UNK: variants seen among roughly 807,000 people sequenced by gnomAD.
UNK encodes the protein unk zinc finger.
In UNK, 32 loss-of-function variants were observed where a neutral mutation model predicts 97.6. That is an observed-to-expected ratio of 0.33 (90% CI 0.25 to 0.44). The LOEUF (loss-of-function observed/expected upper bound fraction) is 0.44, where lower values mean the gene tolerates loss of function less well. Among genes scored for constraint, UNK ranks in the 20% least tolerant of loss-of-function variants. The pLI is 1.00. For synonymous variants in UNK, 441 were observed against 461.2 expected (o/e 0.96, Z 0.56); for missense variants, 771 against 1,098.4 (o/e 0.70, Z 4.21).
rs1380024161 is a variant in UNK, at chr17:75,818,587, CT to C, written c.1372-54del. The C allele has an allele frequency of 4.6e-6, 7 of 1,527,242 alleles. No homozygotes were observed. Among genetic ancestry groups the C allele is most frequent in the Non-Finnish European group, 6.2e-6 (7 of 1,130,994 alleles). The allele number at this position is 1,527,242 out of a possible 1,614,324, so 94.6% of individuals were successfully genotyped here. ...CCCAGCCCCTCTCCAGCCTCTCGTC[CT>C]GGCCTCCGTATGCAGGCCTACCATT... On this transcript the variant is annotated intron_variant, in intron 10 of 15. Coordinates refer to ENST00000589666, the MANE Select transcript of UNK (RefSeq NM_001080419.3). The surrounding 1 kb of genome is among the most constrained non-coding windows in gnomAD (Gnocchi z 5.1).
intron 1 of UNK, among the ~76,000 whole-genome samples, chr17:75,787,670 A>T (rs930304117): frequency 6.6e-6 from 1 of 151,920 alleles, no homozygotes; most frequent in East Asian, 1.9e-4. Context: ...CTAAAAATAC[A>T]AAAAATTAGT....
At chr17:75,807,353 C>T (rs1369760028) in intron 1 of UNK, among the ~76,000 whole-genome samples, 2 of 152,134 alleles carry the variant, frequency 1.3e-5, no homozygotes, top group African/African-American at 2.4e-5. Context: ...AGCCTGTGAA[C>T]AGCCACTGCA....
chr17:75,792,156 A>AG lies in UNK; in HGVS notation c.104+7174dup, dbSNP rs1434715555. 1.7e-5 allele frequency: 15 copies of AG among 902,482 alleles called. No homozygotes were observed. The African/African-American group carries it at 1.8e-4, about 11-fold the overall frequency. 55.9% of individuals were successfully genotyped at this position (902,482 alleles called of 1,614,324 possible). A position where few individuals can be genotyped will look rare whatever the true frequency, so the allele number is the denominator to read the frequency against. ...TTACCTAAAGGTAATTTTTCTCATTAGGAGAGACTCCAGGTCAAGAGTGAT... is the reference window on the plus strand; with the variant it reads ...TTACCTAAAGGTAATTTTTCTCATTAGGGAGAGACTCCAGGTCAAGAGTGAT... On this transcript the variant is annotated intron_variant, in intron 1 of 15. Coordinates refer to ENST00000589666, the MANE Select transcript of UNK (RefSeq NM_001080419.3).
chr17:75,817,336 G>A lies in UNK; in HGVS notation c.1115G>A (p.Arg372Lys), dbSNP rs1383525856. ...CCTCCTTCTCCGCAGCTCCTCTGTA[G>A]AAACAGCAGCCTAGGCAGCCCGTCT... ...HAPDLSALLC[R>K]NSSLGSPSNL... The change falls in exon 9 of 16, where the codon AGA (arginine) becomes AAA (lysine). Residue 372 changes from arginine to lysine, a missense_variant. Physicochemically the swap from Arg to Lys is conservative, Grantham distance 26. Around this residue, in one of 5 missense-constraint regions of UNK, gnomAD observed 192 missense variants for 202.4 expected, o/e 0.95. Coordinates refer to ENST00000589666, the MANE Select transcript of UNK (RefSeq NM_001080419.3). This position sits in a 1 kb window ranked among gnomAD's most constrained non-coding sequence, Gnocchi z 5.8. 6.3e-6 allele frequency: 10 copies of A among 1,587,668 alleles called. No individual in the cohort carries two copies. Among genetic ancestry groups the A allele is most frequent in the Non-Finnish European group, 8.6e-6 (10 of 1,164,326 alleles).
chr17:75,812,213 A>G lies in UNK; in HGVS notation c.416A>G (p.Asn139Ser). Residue 139 changes from asparagine (N) to serine (S), a missense_variant, in exon 3 of 16, where the codon AAC becomes AGC. Around this residue, in one of 5 missense-constraint regions of UNK, gnomAD observed 246 missense variants for 440.7 expected, o/e 0.56. Coordinates refer to ENST00000589666, the MANE Select transcript of UNK (RefSeq NM_001080419.3). Reference sequence around the variant, plus strand: ...ATCCACGAGACAGACTCGAAAGGCAACTGCACCAAAAACGGCCTGCACTGC... The same window carrying G: ...ATCCACGAGACAGACTCGAAAGGCAGCTGCACCAAAAACGGCCTGCACTGC... Reference protein sequence around the residue: ...ICIHETDSKGNCTKNGLHCAF... With the variant: ...ICIHETDSKGSCTKNGLHCAF... 1.9e-6 allele frequency: 3 copies of G among 1,614,022 alleles called. No individual in the cohort carries two copies. The highest frequency in any genetic ancestry group is 2.5e-6 in the Non-Finnish European group (3 of 1,179,888).
At chr17:75,785,025 G>T (rs1180790388) in intron 1 of UNK, 41 bp downstream of exon 1, 1 of 1,352,874 alleles carries the variant, frequency 7.4e-7, no homozygotes, top group African/African-American at 1.7e-5. Context: ...GCGCACGCCT[G>T]ACGTCAGCGG....
chr17:75,819,810 A>G lies in UNK; in HGVS notation c.1648+25A>G. ...GGTACTGGGTGTGGGTGGGCAGGGC[A>G]GCCTGGAGGACTCCTCGGGTTCCTG... On this transcript the variant is annotated intron_variant, in intron 12 of 15. Transcript: ENST00000589666. The surrounding 1 kb of genome is among the most constrained non-coding windows in gnomAD (Gnocchi z 5.4). 6.2e-7 allele frequency: 1 copy of G among 1,613,148 alleles called. No homozygotes were observed. Among genetic ancestry groups the G allele is most frequent in the Admixed American group, 1.7e-5 (1 of 60,002 alleles).
chr17:75,816,916 C>T lies in UNK; in HGVS notation c.1104+4C>T, dbSNP rs375150610. On this transcript the variant is annotated splice_donor_region_variant and intron_variant, in intron 8 of 15. Coordinates refer to ENST00000589666, the MANE Select transcript of UNK (RefSeq NM_001080419.3). The surrounding 1 kb of genome is among the most constrained non-coding windows in gnomAD (Gnocchi z 4.0). ...GCATGCCCCTGACCTCAGTGCCGTA[C>T]GTGTCCATCCTGGGGAGTGGGTGGG... 5 of 1,599,536 alleles carry T rather than the reference C, an allele frequency of 3.1e-6. No individual in the cohort carries two copies. Among genetic ancestry groups the T allele is most frequent in the South Asian group, 2.2e-5 (2 of 89,992 alleles).
intron 6 of UNK, among the ~76,000 whole-genome samples, chr17:75,814,348 C>T (rs1409069148): frequency 6.6e-6 from 1 of 151,850 alleles, no homozygotes; most frequent in Non-Finnish European, 1.5e-5. Flanking sequence ...AAAAATTAGC[C>T]AGATTTGGTG....
intron 1 of UNK, among the ~76,000 whole-genome samples, chr17:75,790,866 G>C (rs2061757943): frequency 6.6e-6 from 1 of 151,746 alleles, no homozygotes; most frequent in Non-Finnish European, 1.5e-5. Context: ...AGGAGGCGGA[G>C]GTTGCGGAGG....
chr17:75,792,672 G>C, intron 1 of UNK: 1 of 181,416 alleles, frequency 5.5e-6, no homozygotes, highest in Non-Finnish European at 1.1e-5. Flanking sequence ...TATCTGTGGA[G>C]AAAGTGCATG....
At chr17:75,805,967 C>A (rs1297866194) in intron 1 of UNK, among the ~76,000 whole-genome samples, 2 of 152,074 alleles carry the variant, frequency 1.3e-5, no homozygotes, top group African/African-American at 4.8e-5. Flanking sequence ...CTAAAGTCCG[C>A]TGGGCGTGGT....
intron 1 of UNK, among the ~76,000 whole-genome samples, chr17:75,805,009 G>A (rs905600743): frequency 1.3e-5 from 2 of 151,196 alleles, no homozygotes; most frequent in South Asian, 2.1e-4. Context: ...GTGAAACCCC[G>A]TCTCTACTAA....
Position 75,824,124 on chromosome 17 carries a change from A to G in UNK, c.2278-138A>G, listed in dbSNP as rs2062096149. 3.7e-6 allele frequency: 4 copies of G among 1,078,646 alleles called. No individual in the cohort carries two copies. Among genetic ancestry groups the G allele is most frequent in the Admixed American group, 6.9e-5 (2 of 28,862 alleles). 66.8% of individuals were successfully genotyped at this position (1,078,646 alleles called of 1,614,324 possible). ...TCAGCCTGCTCTCTCACCTGCCAAC[A>G]GGGGTCTGGGAGCACACTGTTGAGC... On this transcript the variant is annotated intron_variant, in intron 15 of 15. Transcript: ENST00000589666. The surrounding 1 kb of genome is among the most constrained non-coding windows in gnomAD (Gnocchi z 4.9).
intron 1 of UNK, chr17:75,792,379 C>T (rs1292297796): frequency 2.0e-6 from 2 of 985,298 alleles, no homozygotes; most frequent in East Asian, 2.3e-4. Context: ...GAGATTGCAA[C>T]TATGGACAGT....
chr17:75,799,708 T>G (rs959995535), intron 1 of UNK, among the ~76,000 whole-genome samples: 2 of 152,184 alleles, frequency 1.3e-5, no homozygotes, highest in Non-Finnish European at 2.9e-5. Flanking sequence ...ACCAGCAGTA[T>G]TCACATAGTG....
rs1599389408 is a variant in UNK, at chr17:75,819,584, A to C, written c.1547-100A>C. 1.8e-6 allele frequency: 2 copies of C among 1,113,802 alleles called. No individual in the cohort carries two copies. The highest frequency in any genetic ancestry group is 4.8e-5 in the East Asian group (2 of 41,892). The allele number at this position is 1,113,802 out of a possible 1,614,324, so 69.0% of individuals were successfully genotyped here. The stretch of plus-strand genomic sequence containing the variant: ...CAGGGGCTTGGGAGAATACGGACCC[A>C]GCGTAGCATGGGCGTGAAGATGCAG... On this transcript the variant is annotated intron_variant, in intron 11 of 15. Transcript: ENST00000589666. This position sits in a 1 kb window ranked among gnomAD's most constrained non-coding sequence, Gnocchi z 5.4.
chr17:75,786,185 C>T (rs1008469169), intron 1 of UNK, among the ~76,000 whole-genome samples: 1 of 152,182 alleles, frequency 6.6e-6, no homozygotes, highest in Admixed American at 6.5e-5. Flanking sequence ...CTGATATGGA[C>T]ATTGCTTTCC....
intron 1 of UNK, chr17:75,793,353 G>A: frequency 3.3e-6 from 3 of 918,234 alleles, no homozygotes; most frequent in Non-Finnish European, 3.9e-6. Context: ...GATATCAATG[G>A]CTATACTATA....
Sources: gnomAD v4.1 joint callset for allele counts (sites outside exome capture counted in the v4.1 genomes callset) on GRCh38, gnomAD v4.1.1 for gene constraint, gnomAD v4.1.1 regional missense constraint, Gnocchi (gnomAD v3.1) non-coding constraint, MANE v1.5 for transcripts, NCBI Gene and HGNC (gene_info 2026-07-23, HGNC 2026-07-21) for gene names.